RERE: variants seen among roughly 807,000 people sequenced by gnomAD.
RERE encodes arginine-glutamic acid dipeptide repeats protein.
Under a neutral mutation model 146.1 loss-of-function variants are expected in RERE, and 40 were observed. The ratio of observed to expected loss-of-function variants is 0.27; its 90% confidence interval spans 0.21 to 0.36. The LOEUF (loss-of-function observed/expected upper bound fraction) is 0.36. Ranked by LOEUF, RERE falls within the 10% of genes least tolerant of loss-of-function variation. RERE has a pLI of 1.00. For missense variants in RERE, 1,933 were observed against 2,138.7 expected (o/e 0.90, Z 1.90); for synonymous variants, 1,003 against 866.0 (o/e 1.16, Z -2.78).
At chr1:8,683,706 G>A (rs758194302) in intron 1 of RERE, among the ~76,000 whole-genome samples, 13 of 152,208 alleles carry the variant, frequency 8.5e-5, no homozygotes, top group Non-Finnish European at 1.3e-4. Flanking sequence ...ACTTTGGGAG[G>A]CCAAGGCGGG....
intron 1 of RERE, among the ~76,000 whole-genome samples, chr1:8,736,719 C>T (rs2124495812): frequency 6.6e-6 from 1 of 152,100 alleles, no homozygotes; most frequent in East Asian, 1.9e-4. Flanking sequence ...ACCCAAGGGA[C>T]AGTCAAGTAA....
At position 8,355,558 on chromosome 1, in the gene RERE, G is replaced by C. The variant is rs115891071; in HGVS notation, c.4528C>G (p.Pro1510Ala). The stretch of plus-strand genomic sequence containing the variant: ...TGCAGCTGGTGGGCTGCTGACATGG[G>C]GGGTGGGATGGCCCCAGGCAGGTCA... ...PRDLPGAIPP[P>A]MSAAHQLQAM... is the part of the protein sequence containing the mutation. Residue 1510 changes from proline (P) to alanine (A), a missense_variant, in exon 22 of 23, where the codon CCC becomes GCC. This residue lies in a region of RERE where 133 missense variants were observed against 168.6 expected (regional missense o/e 0.79). Transcript: ENST00000400908. 20 of 1,604,516 alleles carry C rather than the reference G, an allele frequency of 1.2e-5. No individual in the cohort carries two copies. The South Asian group carries it at 2.0e-4, about 16-fold the overall frequency.
chr1:8,546,459 T>TAA (rs985987136), intron 6 of RERE, among the ~76,000 whole-genome samples: 3 of 152,080 alleles, frequency 2.0e-5, no homozygotes, highest in African/African-American at 7.2e-5. Context: ...TCGGAATGAT[T>TAA]TTTTTTCTGT....
chr1:8,610,758 GTAT>G (rs921651347), intron 4 of RERE, among the ~76,000 whole-genome samples: 2 of 151,872 alleles, frequency 1.3e-5, no homozygotes, highest in African/African-American at 4.8e-5. Context: ...GTCATAGATA[GTAT>G]TATTATTATA....
Position 8,359,784 on chromosome 1 carries a change from G to C in RERE, c.3598C>G (p.Arg1200Gly). The C allele has an allele frequency of 1.2e-6, 2 of 1,600,812 alleles. No individual in the cohort carries two copies. Among genetic ancestry groups the C allele is most frequent in the Non-Finnish European group, 1.7e-6 (2 of 1,178,756 alleles). Reference sequence around the variant, plus strand: ...CTCACAGCCGCCCGCTCTGCCTCGCGCTCCCGCTCTCGCTCCCGCTCCCGC... The same window carrying C: ...CTCACAGCCGCCCGCTCTGCCTCGCCCTCCCGCTCTCGCTCCCGCTCCCGC... ...KERERERERE[R>G]EAERAAKASS... The change falls in exon 19 of 23, where the codon CGC becomes GGC. Residue 1200 changes from arginine (R) to glycine (G), a missense_variant. By Grantham distance (125) the Arg-to-Gly change is moderately radical. Transcript: ENST00000400908.
At position 8,769,093 on chromosome 1, in the gene RERE, C is replaced by T. The variant is rs146786173; in HGVS notation, c.-145+48067G>A. On this transcript the variant is annotated intron_variant, in intron 1 of 22. Transcript: ENST00000400908. ...TAAGGGTAGAGGTGAGTAGTTGTGA[C>T]CATCTGGCCCACGCAGCCTAAAATG... 3.0e-3 allele frequency among the ~76,000 whole-genome samples: 464 copies of T among 152,262 alleles called. 1 individual carries two copies. Among genetic ancestry groups the T allele is most frequent in the African/African-American group, 0.011 (440 of 41,544 alleles).
chr1:8,763,938 TA>T (rs70985517), intron 1 of RERE, among the ~76,000 whole-genome samples: 72,254 of 135,888 alleles, frequency 0.53, 18,924 homozygotes, highest in East Asian at 0.82. Context: ...AGACTCCGTC[TA>T]AAAAAAAAAA....
Position 8,364,198 on chromosome 1 carries a change from C to T in RERE, c.1598G>A (p.Arg533His), listed in dbSNP as rs868352927. 2 of 1,614,146 alleles carry T rather than the reference C, an allele frequency of 1.2e-6. No individual in the cohort carries two copies. The highest frequency in any genetic ancestry group is 1.7e-6 in the Non-Finnish European group (2 of 1,180,036). ...RENILLCTDC[R>H]IHFKKYGELP... ...CTCACCGTATTTCTTGAAGTGGATG[C>T]GACAGTCGGTGCAAAGCAGGATGTT... The change falls in exon 15 of 23, where the codon CGC becomes CAC. Residue 533 changes from arginine (R) to histidine (H), a missense_variant. By Grantham distance (29) the Arg-to-His change is conservative (BLOSUM62 0). Transcript: ENST00000400908. This position sits in a 1 kb window ranked among gnomAD's most constrained non-coding sequence, Gnocchi z 5.1.
At chr1:8,794,357 CAAAAAAAAAAA>C (rs34549021) in intron 1 of RERE, among the ~76,000 whole-genome samples, 1 of 40,554 alleles carries the variant, frequency 2.5e-5, no homozygotes, top group African/African-American at 9.9e-5. Flanking sequence ...GACTCCGTCT[CAAAAAAAAAAA>C]AAAAAAAAAA....
At chr1:8,570,963 C>T (rs1251198098) in intron 4 of RERE, among the ~76,000 whole-genome samples, 2 of 152,084 alleles carry the variant, frequency 1.3e-5, no homozygotes, top group Non-Finnish European at 2.9e-5. Flanking sequence ...AAATAGGAAG[C>T]TCTCATTGTC....
intron 12 of RERE, among the ~76,000 whole-genome samples, chr1:8,379,979 T>C (rs771448713): frequency 5.9e-5 from 9 of 152,208 alleles, no homozygotes; most frequent in Non-Finnish European, 1.0e-4. Flanking sequence ...TGGCCGCTCC[T>C]GTTCTGGAGA....
Position 8,361,053 on chromosome 1 carries a change from C to T in RERE, c.2454G>A (p.Pro818=), listed in dbSNP as rs756033803. ...GCAGCGGGGGATGTGGCGAGGGATG[C>T]GGCGGGGGATGCGGTGAGGGCGGCC... is the stretch of plus-strand genomic sequence containing the variant. ...PQRPPSPHPP[P]HPSPHPPLQP... is the part of the protein sequence containing the mutation. Residue 818 remains proline, a synonymous_variant, in exon 18 of 23, where the codon CCG becomes CCA. Coordinates refer to ENST00000400908, the MANE Select transcript of RERE (RefSeq NM_001042681.2). 11 of 1,427,884 alleles carry T rather than the reference C, an allele frequency of 7.7e-6. No individual in the cohort carries two copies. Among genetic ancestry groups the T allele is most frequent in the Middle Eastern group, 1.9e-4 (1 of 5,174 alleles). The allele number at this position is 1,427,884 out of a possible 1,614,324, so 88.5% of individuals were successfully genotyped here. A position where few individuals can be genotyped will look rare whatever the true frequency, so the allele number is the denominator to read the frequency against.
intron 2 of RERE, among the ~76,000 whole-genome samples, chr1:8,641,661 G>A (rs2124285317): frequency 6.6e-6 from 1 of 152,260 alleles, no homozygotes; most frequent in Middle Eastern, 3.4e-3. Flanking sequence ...GTTCTGTGCT[G>A]AACAAAGAAG....
At chr1:8,501,306 G>T (rs1304307935) in intron 8 of RERE, among the ~76,000 whole-genome samples, 2 of 123,192 alleles carry the variant, frequency 1.6e-5, no homozygotes, top group Non-Finnish European at 3.5e-5. Flanking sequence ...CCTCTGCCCG[G>T]CCAGCCGCCC....
intron 12 of RERE, among the ~76,000 whole-genome samples, chr1:8,386,994 GATTTTAAAA>G (rs1642700963): frequency 2.0e-5 from 3 of 152,256 alleles, no homozygotes; most frequent in Admixed American, 2.0e-4. Flanking sequence ...AAGACAAGCT[GATTTTAAAA>G]ATTTTAAAGA....
At chr1:8,389,650 C>T (rs953159505) in intron 12 of RERE, among the ~76,000 whole-genome samples, 1 of 152,212 alleles carries the variant, frequency 6.6e-6, no homozygotes, top group African/African-American at 2.4e-5. Context: ...CCATGCTTTG[C>T]AGTCAATTTG....
chr1:8,371,210 T>G (rs998779852), intron 12 of RERE, among the ~76,000 whole-genome samples: 1 of 152,188 alleles, frequency 6.6e-6, no homozygotes, highest in Non-Finnish European at 1.5e-5. Context: ...AGATTCTCTC[T>G]CCTTTCCTTT....
chr1:8,753,816 T>C (rs942009047), intron 1 of RERE: 7 of 152,206 alleles, frequency 4.6e-5, no homozygotes, highest in Non-Finnish European at 2.9e-5. Context: ...GACACACATT[T>C]GAAAGACCCA....
In RERE at chr1:8,482,681, CAAAAAAAAAAAAAA is replaced by C. The variant is rs35501735; in HGVS notation, c.1104+12368_1104+12381del. On this transcript the variant is annotated intron_variant, in intron 10 of 22. Coordinates refer to ENST00000400908, the MANE Select transcript of RERE (RefSeq NM_001042681.2). ...TGGGCAACAGAGTGAGATTCTGTTG[CAAAAAAAAAAAAAA>C]AAAAAAAAAAAAGACAAAAATTAAA... Among the ~76,000 whole-genome samples, 6 of 51,230 alleles carry C rather than the reference CAAAAAAAAAAAAAA, an allele frequency of 1.2e-4. No individual in the cohort carries two copies. The Admixed American group carries it at 1.2e-3, about 10-fold the overall frequency. The allele number at this position is 51,230 out of a possible 152,430, so 33.6% of individuals were successfully genotyped here. A position where few individuals can be genotyped will look rare whatever the true frequency, so the allele number is the denominator to read the frequency against.
Sources: allele counts gnomAD v4.1 joint callset (sites outside exome capture counted in the v4.1 genomes callset), GRCh38; gene constraint gnomAD v4.1.1; regional missense constraint gnomAD v4.1.1; non-coding constraint Gnocchi (gnomAD v3.1); transcripts MANE v1.5; gene names NCBI Gene and HGNC (gene_info 2026-07-23, HGNC 2026-07-21).